The following RCAN2 variants were observed in gnomAD, a reference collection of about 807,000 sequenced individuals.
RCAN2 encodes regulator of calcineurin 2.
RCAN2 carries 9 observed loss-of-function variants against 23.6 expected under a neutral mutation model. That is an observed-to-expected ratio of 0.38 (90% CI 0.23 to 0.67). The LOEUF is 0.67. Among genes scored for constraint, RCAN2 ranks in the 30% least tolerant of loss-of-function variants. The pLI is 0.51. For missense variants in RCAN2, 273 were observed against 302.3 expected, an observed-to-expected ratio of 0.90 and a Z score of 0.72; for synonymous variants, 109 against 115.7, an observed-to-expected ratio of 0.94 and a Z score of 0.37.
chr6:46,223,362 C>G (rs936962632), intron 4 of RCAN2, 61 bp from the exon 5 acceptor site: 99 of 1,519,784 alleles, frequency 6.5e-5, no homozygotes, highest in Middle Eastern at 5.3e-4. Flanking sequence ...GATCCTGGAG[C>G]AGGGTCTGCT....
chr6:46,335,368 A>C (rs1764106586), intron 2 of RCAN2, among the ~76,000 whole-genome samples: 1 of 152,288 alleles, frequency 6.6e-6, no homozygotes, highest in Middle Eastern at 3.4e-3. Flanking sequence ...ATATGCTAGC[A>C]TTATCCCAAC....
intron 4 of RCAN2, among the ~76,000 whole-genome samples, chr6:46,246,100 A>C (rs555924449): frequency 6.6e-6 from 1 of 152,332 alleles, no homozygotes; most frequent in South Asian, 2.1e-4. Context: ...AATAGCAAAA[A>C]ACCTGGAAAT....
intron 2 of RCAN2, among the ~76,000 whole-genome samples, chr6:46,287,048 G>T (rs1454096046): frequency 6.6e-6 from 1 of 152,042 alleles, no homozygotes; most frequent in Non-Finnish European, 1.5e-5. Context: ...ACCCAACCAG[G>T]CAAAGAAACC....
chr6:46,413,056 T>C (rs1472167603), intron 2 of RCAN2, among the ~76,000 whole-genome samples: 1 of 152,246 alleles, frequency 6.6e-6, no homozygotes, highest in Non-Finnish European at 1.5e-5. Context: ...TGTTGCTGTA[T>C]GAAGATGCAA....
At chr6:46,285,073 A>T (rs1304723375) in intron 2 of RCAN2, among the ~76,000 whole-genome samples, 1 of 152,180 alleles carries the variant, frequency 6.6e-6, no homozygotes, top group Admixed American at 6.5e-5. Context: ...TGCTTTCTCA[A>T]ATATTAGTTC....
chr6:46,327,581 A>G (rs1424332548), intron 2 of RCAN2, among the ~76,000 whole-genome samples: 2 of 152,228 alleles, frequency 1.3e-5, no homozygotes, highest in East Asian at 3.9e-4. Context: ...TAAAATGTAA[A>G]GTAATACAAA....
chr6:46,458,318 TTA>T (rs1768105679), intron 1 of RCAN2, among the ~76,000 whole-genome samples: 1 of 152,190 alleles, frequency 6.6e-6, no homozygotes, highest in Non-Finnish European at 1.5e-5. Flanking sequence ...AGTGATGAGG[TTA>T]TGTTTTTTAT....
chr6:46,310,012 C>T (rs551691497), intron 2 of RCAN2, among the ~76,000 whole-genome samples: 1 of 151,986 alleles, frequency 6.6e-6, no homozygotes, highest in Admixed American at 6.6e-5. Flanking sequence ...AAATTTGCAC[C>T]TTTGTCATGG....
intron 4 of RCAN2, among the ~76,000 whole-genome samples, chr6:46,241,752 T>C (rs1052372180): frequency 5.9e-5 from 9 of 152,204 alleles, no homozygotes; most frequent in African/African-American, 2.2e-4. Flanking sequence ...CTTGGGCAAG[T>C]TACTTAACCA....
At chr6:46,365,122 A>C (rs1765130782) in intron 2 of RCAN2, among the ~76,000 whole-genome samples, 1 of 152,156 alleles carries the variant, frequency 6.6e-6, no homozygotes, top group Non-Finnish European at 1.5e-5. Context: ...TATAAAGTAC[A>C]TGATAAATGT....
chr6:46,337,183 AG>A (rs1302881121), intron 2 of RCAN2, among the ~76,000 whole-genome samples: 1 of 152,178 alleles, frequency 6.6e-6, no homozygotes, highest in Non-Finnish European at 1.5e-5. Context: ...TAAAAAAAGA[AG>A]GGGAAGGATA....
Position 46,412,550 on chromosome 6 carries a change from C to G in RCAN2, c.225+44202G>C, listed in dbSNP as rs145577169. ...CACTCCAAATTTAGCAGAGGAAAAA[C>G]AGGAGAATAAGACACTGAAAAGAAG... is the stretch of plus-strand genomic sequence containing the variant. On this transcript the variant is annotated intron_variant, in intron 2 of 4. Coordinates refer to ENST00000371374, the MANE Select transcript of RCAN2 (RefSeq NM_001251974.2). Among the ~76,000 whole-genome samples the G allele has an allele frequency of 3.2e-4, 49 of 152,242 alleles. 1 individual carries two copies. The highest frequency in any genetic ancestry group is 1.1e-3 in the African/African-American group (46 of 41,526).
At chr6:46,386,367 G>C (rs138262121) in intron 2 of RCAN2, among the ~76,000 whole-genome samples, 4,235 of 152,048 alleles carry the variant, frequency 0.028, 107 homozygotes, top group Middle Eastern at 0.058. Context: ...GAGAGGCCAA[G>C]GCGAGTGAAT....
At chr6:46,293,022 C>T (rs1762616975) in intron 2 of RCAN2, among the ~76,000 whole-genome samples, 1 of 152,152 alleles carries the variant, frequency 6.6e-6, no homozygotes, top group Non-Finnish European at 1.5e-5. Flanking sequence ...TGGTTTCCAG[C>T]TTCATCCATG....
chr6:46,263,720 T>C (rs1767222528), intron 2 of RCAN2, among the ~76,000 whole-genome samples: 1 of 102,478 alleles, frequency 9.8e-6, no homozygotes, highest in Non-Finnish European at 2.1e-5. Context: ...TACATTAATA[T>C]GATGTTGTTT....
At chr6:46,248,991 C>A in intron 2 of RCAN2, 95 bp from the exon 3 acceptor site, 2 of 820,412 alleles carry the variant, frequency 2.4e-6, no homozygotes, top group South Asian at 4.4e-5. Context: ...AATAAATAGG[C>A]TGTTAATAAC....
chr6:46,489,640 G>A (rs1232772505), intron 1 of RCAN2, among the ~76,000 whole-genome samples: 1 of 152,210 alleles, frequency 6.6e-6, no homozygotes, highest in Non-Finnish European at 1.5e-5. Context: ...GTTCATCACT[G>A]GAGAAAGAGT....
chr6:46,459,598 T>C (rs570613448), intron 1 of RCAN2, among the ~76,000 whole-genome samples: 2 of 152,340 alleles, frequency 1.3e-5, no homozygotes, highest in South Asian at 2.1e-4. Flanking sequence ...AGAAATACTT[T>C]AGAAGTCAGA....
At chr6:46,378,764 T>A (rs1765547142) in intron 2 of RCAN2, among the ~76,000 whole-genome samples, 1 of 152,162 alleles carries the variant, frequency 6.6e-6, no homozygotes, top group South Asian at 2.1e-4. Context: ...TCTGTGACCT[T>A]CTTGCTTCTC....
Sources: allele counts gnomAD v4.1 joint callset (sites outside exome capture counted in the v4.1 genomes callset), GRCh38; gene constraint gnomAD v4.1.1; transcripts MANE v1.5; gene names NCBI Gene and HGNC (gene_info 2026-07-23, HGNC 2026-07-21).